Variants in PEG3 observed in about 807,000 individuals in gnomAD.
PEG3 encodes paternally expressed 3, also known as paternally-expressed gene 3 protein.
PEG3 carries 23 observed loss-of-function variants against 35.5 expected under a neutral mutation model. That is an observed-to-expected ratio of 0.65 (90% CI 0.47 to 0.92). The LOEUF (loss-of-function observed/expected upper bound fraction) is 0.92. Among genes scored for constraint, PEG3 ranks in the 40% least tolerant of loss-of-function variants. The pLI is 0.00. For missense variants in PEG3, 1,960 were observed against 1,985.3 expected (o/e 0.99, Z 0.24); for synonymous variants, 707 against 697.0 (o/e 1.01, Z -0.23).
chr19:56,836,946 G>T (rs1351091392), intron 1 of PEG3, among the ~76,000 whole-genome samples: 1 of 141,130 alleles, frequency 7.1e-6, no homozygotes, highest in Non-Finnish European at 1.5e-5. Flanking sequence ...CTCCAGCCTG[G>T]GTGAGAGGGC....
intron 3 of PEG3, among the ~76,000 whole-genome samples, chr19:56,825,521 T>G (rs992305874): frequency 3.9e-5 from 6 of 152,218 alleles, no homozygotes; most frequent in African/African-American, 1.4e-4. Context: ...CTTCCATTTT[T>G]TAAACTTTTG....
intron 2 of PEG3, among the ~76,000 whole-genome samples, chr19:56,827,061 G>A (rs1339504889): frequency 6.6e-6 from 1 of 152,068 alleles, no homozygotes; most frequent in Non-Finnish European, 1.5e-5. Context: ...GACCACTAGG[G>A]AAGAAATCTA....
In PEG3 at chr19:56,814,187, T is replaced by TTGGCTCAGCAGCCTCCACTTC. The variant is rs754092967; in HGVS notation, c.4234_4254dup (p.Glu1412_Pro1418dup). 45 of 1,613,404 alleles carry TTGGCTCAGCAGCCTCCACTTC rather than the reference T, an allele frequency of 2.8e-5. No individual in the cohort carries two copies. Among genetic ancestry groups the TTGGCTCAGCAGCCTCCACTTC allele is most frequent in the African/African-American group, 1.7e-4 (13 of 74,980 alleles). On this transcript the variant is annotated inframe_insertion, in exon 10 of 10. Coordinates refer to ENST00000326441, the MANE Select transcript of PEG3 (RefSeq NM_006210.3). The surrounding 1 kb of genome is among the most constrained non-coding windows in gnomAD (Gnocchi z 5.8). ...CCATCTGGCCCTTCAGCCTCTCCGT[T>TTGGCTCAGCAGCCTCCACTTC]TGGCTCAGCAGCCTCCACTTCTGGC...
chr19:56,818,924 C>A (rs2060225142), intron 7 of PEG3, among the ~76,000 whole-genome samples: 1 of 152,222 alleles, frequency 6.6e-6, no homozygotes, highest in Non-Finnish European at 1.5e-5. Context: ...GACACATATT[C>A]CTTGCCCTCA....
Position 56,814,965 on chromosome 19 carries a change from T to C in PEG3, c.3477A>G (p.Gly1159=), listed in dbSNP as rs750135538. 1.2e-6 allele frequency: 2 copies of C among 1,614,136 alleles called. No homozygotes were observed. Among genetic ancestry groups the C allele is most frequent in the Non-Finnish European group, 1.7e-6 (2 of 1,179,978 alleles). ...SISEYQRDYT[G]EQLYECPKCG... is the part of the protein sequence containing the mutation. Reference sequence around the variant, plus strand: ...ACTTTGGACATTCATACAGCTGCTCTCCAGTGTAATCTCTCTGATACTCGC... The same window carrying C: ...ACTTTGGACATTCATACAGCTGCTCCCCAGTGTAATCTCTCTGATACTCGC... The change falls in exon 10 of 10, where the codon GGA becomes GGG. Residue 1159 remains glycine (G), a synonymous_variant. Transcript: ENST00000326441. The surrounding 1 kb of genome is among the most constrained non-coding windows in gnomAD (Gnocchi z 5.8).
chr19:56,815,256 C>T lies in PEG3; in HGVS notation c.3186G>A (p.Glu1062=). 6.2e-7 allele frequency: 1 copy of T among 1,614,220 alleles called. No homozygotes were observed. Residue 1062 remains glutamate, a synonymous_variant, in exon 10 of 10, where the codon GAG becomes GAA. Coordinates refer to ENST00000326441, the MANE Select transcript of PEG3 (RefSeq NM_006210.3). ...CCCCATCAGTATTCTCGCCTTGAGA[C>T]TCCTCGCCATGAGACTTCTCTTGGT... ...IYDQEKSHGE[E]SQGENTDGEE... is the part of the protein sequence containing the mutation.
intron 7 of PEG3, among the ~76,000 whole-genome samples, chr19:56,819,433 A>G (rs972937674): frequency 2.0e-5 from 3 of 152,254 alleles, no homozygotes; most frequent in Admixed American, 2.0e-4. Context: ...ACCTTCTACC[A>G]GGATTCTAAA....
intron 1 of PEG3, among the ~76,000 whole-genome samples, chr19:56,837,915 C>G (rs1026024172): frequency 2.6e-5 from 4 of 152,222 alleles, no homozygotes; most frequent in African/African-American, 7.2e-5. Context: ...AATGGTGCCT[C>G]CGCACTGCAC....
rs777817439 is a variant in PEG3, at chr19:56,815,215, T to C, written c.3227A>G (p.Glu1076Gly). The C allele has an allele frequency of 1.9e-6, 3 of 1,613,936 alleles. No homozygotes were observed. The highest frequency in any genetic ancestry group is 2.5e-6 in the Non-Finnish European group (3 of 1,179,820). The part of the protein sequence containing the change: ...ENTDGEETHS[E>G]ETHGQETIED... ...AATTGTCTCCTGACCATGGGTCTCC[T>C]CGCTGTGGGTCTCCTCCCCATCAGT... Residue 1076 changes from glutamate (E) to glycine (G), a missense_variant, in exon 10 of 10, where the codon GAG becomes GGG. By Grantham distance (98) the Glu-to-Gly change is moderately conservative. Transcript: ENST00000326441.
intron 2 of PEG3, among the ~76,000 whole-genome samples, chr19:56,834,129 A>G (rs899572465): frequency 1.3e-5 from 2 of 152,224 alleles, no homozygotes; most frequent in Non-Finnish European, 2.9e-5. Context: ...TTATTTGACT[A>G]TATTCTAATA....
chr19:56,829,215 G>A (rs1398499895), intron 2 of PEG3, among the ~76,000 whole-genome samples: 2 of 151,998 alleles, frequency 1.3e-5, no homozygotes, highest in Non-Finnish European at 2.9e-5. Flanking sequence ...GCTGGGCGTG[G>A]TGGCAGTAAT....
chr19:56,820,489 A>G (rs2060376008), intron 7 of PEG3, among the ~76,000 whole-genome samples: 1 of 152,234 alleles, frequency 6.6e-6, no homozygotes, highest in African/African-American at 2.4e-5. Flanking sequence ...CCAGGCCCAC[A>G]CATGCCTCCA....
At chr19:56,818,489 T>C (rs1479449130) in intron 8 of PEG3, 111 bp downstream of exon 8, 4 of 1,157,312 alleles carry the variant, frequency 3.5e-6, no homozygotes, top group Non-Finnish European at 4.9e-6. Flanking sequence ...CTTATTACCC[T>C]TGAAGTCCAA....
Position 56,814,356 on chromosome 19 carries a change from T to C in PEG3, c.4086A>G (p.Glu1362=). The change falls in exon 10 of 10, where the codon GAA becomes GAG. Residue 1362 remains glutamate, a synonymous_variant. Transcript: ENST00000326441. The surrounding 1 kb of genome is among the most constrained non-coding windows in gnomAD (Gnocchi z 5.8). The part of the protein sequence containing the change: ...ELHLEEEEED[E]AAAAAAAAAQ... Reference sequence around the variant, plus strand: ...CTGCTGCTGCTGCAGCTGCTGCTGCTTCATCTTCTTCTTCTTCTTCCAGAT... The same window carrying C: ...CTGCTGCTGCTGCAGCTGCTGCTGCCTCATCTTCTTCTTCTTCTTCCAGAT... 6.2e-7 allele frequency: 1 copy of C among 1,613,230 alleles called. No individual in the cohort carries two copies. The highest frequency in any genetic ancestry group is 1.1e-5 in the South Asian group (1 of 91,072).
chr19:56,836,085 G>T lies in PEG3; in HGVS notation c.-230C>A, dbSNP rs761412756. ...CTCGCCAGTCGTCTCCAAGAAGGAC[G>T]GAAGATCAAGAAGGCAAAGCTGTAG... On this transcript the variant is annotated 5_prime_UTR_variant, in exon 2 of 10. Coordinates refer to ENST00000326441, the MANE Select transcript of PEG3 (RefSeq NM_006210.3). 6.1e-6 allele frequency: 3 copies of T among 495,328 alleles called. No homozygotes were observed. Among genetic ancestry groups the T allele is most frequent in the African/African-American group, 1.9e-5 (1 of 51,612 alleles). 30.7% of individuals were successfully genotyped at this position (495,328 alleles called of 1,614,324 possible). A position where few individuals can be genotyped will look rare whatever the true frequency, so the allele number is the denominator to read the frequency against.
Position 56,813,039 on chromosome 19 carries a change from A to G in PEG3, c.*636T>C, listed in dbSNP as rs2059645703. ...TTTCAAACAGTAAGGAGTAAAAGCC[A>G]TGTTATCTATCATGCCTACAGCTTC... On this transcript the variant is annotated 3_prime_UTR_variant, in exon 10 of 10. Coordinates refer to ENST00000326441, the MANE Select transcript of PEG3 (RefSeq NM_006210.3). 1.0e-6 allele frequency: 1 copy of G among 985,398 alleles called. No homozygotes were observed. The highest frequency in any genetic ancestry group is 1.7e-5 in the African/African-American group (1 of 57,226). The allele number at this position is 985,398 out of a possible 1,614,324, so 61.0% of individuals were successfully genotyped here.
At chr19:56,834,218 T>C (rs552919261) in intron 2 of PEG3, among the ~76,000 whole-genome samples, 73 of 152,232 alleles carry the variant, frequency 4.8e-4, no homozygotes, top group African/African-American at 1.7e-3. Context: ...CATCCAACCA[T>C]CTACAGGATA....
intron 2 of PEG3, among the ~76,000 whole-genome samples, chr19:56,828,892 T>A (rs2061313674): frequency 6.6e-6 from 1 of 152,060 alleles, no homozygotes; most frequent in Non-Finnish European, 1.5e-5. Context: ...CTAGTGAGGG[T>A]GTAGAGAAGC....
intron 7 of PEG3, among the ~76,000 whole-genome samples, 194 bp downstream of exon 7, chr19:56,821,457 C>T (rs761244304): frequency 6.6e-6 from 1 of 152,160 alleles, no homozygotes; most frequent in Non-Finnish European, 1.5e-5. Flanking sequence ...ACCACATGAA[C>T]GACAAAGAAA....
Sources: allele counts gnomAD v4.1 joint callset (sites outside exome capture counted in the v4.1 genomes callset), GRCh38; gene constraint gnomAD v4.1.1; non-coding constraint Gnocchi (gnomAD v3.1); transcripts MANE v1.5; gene names NCBI Gene and HGNC (gene_info 2026-07-23, HGNC 2026-07-21).